Variants in TXK observed in about 807,000 individuals in gnomAD.
The protein encoded by TXK is TXK tyrosine kinase.
In TXK, 60 loss-of-function variants were observed where a neutral mutation model predicts 81.0. That is an observed-to-expected ratio of 0.74 (90% CI 0.60 to 0.92). The LOEUF is 0.92. Ranked by LOEUF, TXK falls within the 40% of genes least tolerant of loss-of-function variation. TXK has a pLI of 0.00. For missense variants in TXK, 581 were observed against 638.3 expected (o/e 0.91, Z 0.97); for synonymous variants, 203 against 210.7 (o/e 0.96, Z 0.32).
intron 4 of TXK, among the ~76,000 whole-genome samples, chr4:48,111,059 A>G (rs1718618049): frequency 6.6e-6 from 1 of 152,218 alleles, no homozygotes; most frequent in African/African-American, 2.4e-5. Context: ...AATATTTCTC[A>G]AAGACAGATA....
In TXK at chr4:48,067,511, C is replaced by A. The variant is rs1716652359; in HGVS notation, c.*126G>T. The A allele has an allele frequency of 1.1e-6, 1 of 951,404 alleles. No homozygotes were observed. Among genetic ancestry groups the A allele is most frequent in the South Asian group, 1.5e-5 (1 of 65,062 alleles). 58.9% of individuals were successfully genotyped at this position (951,404 alleles called of 1,614,324 possible). A position where few individuals can be genotyped will look rare whatever the true frequency, so the allele number is the denominator to read the frequency against. ...AAACTTTTAAAAACTGTGATCTTTGCACTGTTTTCAAGAGTCAGCAACTCT... is the reference window on the plus strand; with the variant it reads ...AAACTTTTAAAAACTGTGATCTTTGAACTGTTTTCAAGAGTCAGCAACTCT... On this transcript the variant is annotated 3_prime_UTR_variant, in exon 15 of 15. Transcript: ENST00000264316.
chr4:48,068,671 G>T (rs1039753984), intron 14 of TXK, among the ~76,000 whole-genome samples: 1 of 152,304 alleles, frequency 6.6e-6, no homozygotes, highest in Middle Eastern at 3.4e-3. Context: ...TCACTTAGGG[G>T]TGTGGTTTAG....
chr4:48,081,887 C>T (rs1323537310), intron 10 of TXK, among the ~76,000 whole-genome samples: 1 of 152,174 alleles, frequency 6.6e-6, no homozygotes, highest in Non-Finnish European at 1.5e-5. Flanking sequence ...TAATAATGTA[C>T]ACCAAAACCT....
At chr4:48,113,953 CAG>C (rs1219955841) in intron 2 of TXK, among the ~76,000 whole-genome samples, 1 of 152,126 alleles carries the variant, frequency 6.6e-6, no homozygotes, top group Non-Finnish European at 1.5e-5. Flanking sequence ...TTAATTCTTA[CAG>C]AGTCATTTAC....
chr4:48,107,952 T>A (rs1212096249), intron 5 of TXK, among the ~76,000 whole-genome samples: 1 of 147,502 alleles, frequency 6.8e-6, no homozygotes, highest in East Asian at 2.0e-4. Context: ...GCGCCTGTAG[T>A]CCCAGCTACT....
intron 6 of TXK, among the ~76,000 whole-genome samples, chr4:48,098,329 C>T (rs1042178416): frequency 6.6e-6 from 1 of 152,064 alleles, no homozygotes; most frequent in African/African-American, 2.4e-5. Flanking sequence ...ATACCATGAC[C>T]AAGAAGAATT....
intron 6 of TXK, among the ~76,000 whole-genome samples, chr4:48,097,748 A>ATT (rs564793266): frequency 2.1e-4 from 24 of 114,402 alleles, no homozygotes; most frequent in African/African-American, 2.5e-4. Flanking sequence ...AAGCTACCAC[A>ATT]TTTTTTTTTT....
chr4:48,100,588 TG>T (rs1447408347), intron 6 of TXK, among the ~76,000 whole-genome samples: 1 of 152,230 alleles, frequency 6.6e-6, no homozygotes, highest in East Asian at 1.9e-4. Flanking sequence ...CTTACATTTC[TG>T]GTAGGCATAT....
In TXK at chr4:48,134,206, C is replaced by G; in HGVS notation, c.-36G>C. On this transcript the variant is annotated 5_prime_UTR_variant, in exon 1 of 15. Coordinates refer to ENST00000264316, the MANE Select transcript of TXK (RefSeq NM_003328.3). ...TCTGCGGGGAGCACACAACAGTCTT[C>G]AGTTCTTCTGCGGTGCTCTACTCAC... 6.2e-7 allele frequency: 1 copy of G among 1,611,650 alleles called. No homozygotes were observed. The highest frequency in any genetic ancestry group is 1.1e-5 in the South Asian group (1 of 90,304).
At chr4:48,071,790 C>A (rs1452140140) in intron 13 of TXK, 116 bp from the exon 14 acceptor site, 2 of 1,185,232 alleles carry the variant, frequency 1.7e-6, no homozygotes, top group Non-Finnish European at 2.4e-6. Context: ...TGGGCTATAA[C>A]CATCCTGAAT....
chr4:48,130,437 G>A (rs528154496), intron 1 of TXK, among the ~76,000 whole-genome samples: 4 of 152,246 alleles, frequency 2.6e-5, no homozygotes, highest in African/African-American at 7.2e-5. Context: ...TCGGTTTCTC[G>A]TGATGGGGAT....
intron 1 of TXK, among the ~76,000 whole-genome samples, chr4:48,120,251 GTATA>G (rs1226578485): frequency 6.8e-6 from 1 of 146,582 alleles, no homozygotes; most frequent in African/African-American, 2.5e-5. Context: ...ACGTATATGT[GTATA>G]TATACATACA....
chr4:48,126,219 C>T (rs1366221468), intron 1 of TXK, among the ~76,000 whole-genome samples: 1 of 152,192 alleles, frequency 6.6e-6, no homozygotes, highest in African/African-American at 2.4e-5. Context: ...CCTTCTCAGA[C>T]TATTCAACAT....
At chr4:48,073,815 G>A in intron 13 of TXK, 120 bp downstream of exon 13, 1 of 686,426 alleles carries the variant, frequency 1.5e-6, no homozygotes. Context: ...ACAGAAGGAA[G>A]CACAATTACA....
intron 10 of TXK, 114 bp downstream of exon 10, chr4:48,086,352 T>G (rs2109419605): frequency 4.8e-4 from 509 of 1,051,076 alleles, no homozygotes; most frequent in Non-Finnish European, 6.3e-4. Flanking sequence ...GGTTACACAA[T>G]GAGCTTGAGC....
chr4:48,082,780 C>A (rs1047682836), intron 10 of TXK, among the ~76,000 whole-genome samples: 1 of 152,122 alleles, frequency 6.6e-6, no homozygotes, highest in African/African-American at 2.4e-5. Flanking sequence ...AATAGACAAA[C>A]AGCAGAATGG....
At chr4:48,112,941 A>G (rs1718683706) in intron 3 of TXK, among the ~76,000 whole-genome samples, 1 of 152,116 alleles carries the variant, frequency 6.6e-6, no homozygotes, top group African/African-American at 2.4e-5. Flanking sequence ...AATTAATCTC[A>G]GCCTCAAAAT....
intron 10 of TXK, among the ~76,000 whole-genome samples, chr4:48,084,265 T>G (rs1020833048): frequency 4.9e-5 from 7 of 142,876 alleles, no homozygotes; most frequent in East Asian, 2.0e-4. Flanking sequence ...AGTTTTTTTG[T>G]TTTTTTTTTG....
At chr4:48,134,116 C>A (rs770424744) in intron 1 of TXK, 39 bp downstream of exon 1, 2 of 1,611,398 alleles carry the variant, frequency 1.2e-6, no homozygotes, top group South Asian at 1.1e-5. Flanking sequence ...GGCCCCAGAA[C>A]AAGCCCCAAA....
Sources: gnomAD v4.1 joint callset for allele counts (sites outside exome capture counted in the v4.1 genomes callset) on GRCh38, gnomAD v4.1.1 for gene constraint, MANE v1.5 for transcripts, NCBI Gene and HGNC (gene_info 2026-07-23, HGNC 2026-07-21) for gene names.